The following AXDND1 variants were observed in gnomAD, a reference collection of about 807,000 sequenced individuals.
The protein encoded by AXDND1 is axonemal dynein light chain domain containing 1, also known as axonemal dynein light chain domain-containing protein 1.
In AXDND1, 110 loss-of-function variants were observed where a neutral mutation model predicts 137.5. That is an observed-to-expected ratio of 0.80 (90% confidence interval 0.69 to 0.94). AXDND1 has a LOEUF of 0.94. Among genes scored for constraint, AXDND1 ranks in the 40% least tolerant of loss-of-function variants. The pLI is 0.00. For synonymous variants in AXDND1, 414 were observed against 399.7 expected, an observed-to-expected ratio of 1.04 and a Z score of -0.43; for missense variants, 1,191 against 1,169.8, an observed-to-expected ratio of 1.02 and a Z score of -0.26.
At chr1:179,503,874 C>T (rs1668270994) in intron 20 of AXDND1, among the ~76,000 whole-genome samples, 3 of 152,278 alleles carry the variant, frequency 2.0e-5, no homozygotes, top group South Asian at 4.1e-4. Context: ...GGGTAATCCC[C>T]ATGCTATATA....
intron 25 of AXDND1, among the ~76,000 whole-genome samples, chr1:179,540,572 C>G (rs1245212696): frequency 6.6e-6 from 1 of 152,200 alleles, no homozygotes; most frequent in East Asian, 1.9e-4. Flanking sequence ...GAAGCTTCGT[C>G]CCAGAGGGGC....
At chr1:179,401,658 G>A (rs1257165150) in intron 11 of AXDND1, among the ~76,000 whole-genome samples, 1 of 152,020 alleles carries the variant, frequency 6.6e-6, no homozygotes, top group African/African-American at 2.4e-5. Context: ...GGACTTGGGG[G>A]GAAATAATTG....
intron 21 of AXDND1, among the ~76,000 whole-genome samples, chr1:179,517,753 G>T (rs1238960261): frequency 6.6e-6 from 1 of 152,222 alleles, no homozygotes; most frequent in African/African-American, 2.4e-5. Flanking sequence ...GGAGTGGAGG[G>T]TCTCCCTTTC....
Position 179,509,298 on chromosome 1 carries a change from A to G in AXDND1, c.2391A>G (p.Lys797=). The change falls in exon 21 of 26, where the codon AAA becomes AAG. Residue 797 remains lysine, a splice_region_variant and synonymous_variant. Transcript: ENST00000367618. ...EDLYEVDKLK[K]ECYEWINTCS... ...TGTAATCTTTTATCTCTTCTCAGAAAGAATGTTATGAATGGATCAACACAT... is the reference window on the plus strand; with the variant it reads ...TGTAATCTTTTATCTCTTCTCAGAAGGAATGTTATGAATGGATCAACACAT... 6.3e-7 allele frequency: 1 copy of G among 1,599,530 alleles called. No homozygotes were observed. Among genetic ancestry groups the G allele is most frequent in the Non-Finnish European group, 8.5e-7 (1 of 1,170,934 alleles).
intron 15 of AXDND1, among the ~76,000 whole-genome samples, chr1:179,442,185 A>T (rs572047846): frequency 7.9e-5 from 12 of 152,268 alleles, no homozygotes; most frequent in South Asian, 6.2e-4. Flanking sequence ...CTACCAAACG[A>T]GGCCGTACAG....
intron 25 of AXDND1, chr1:179,550,757 G>A: frequency 1.1e-5 from 3 of 269,884 alleles, no homozygotes; most frequent in Non-Finnish European, 2.2e-5. Flanking sequence ...GGACAGAAGA[G>A]CAATAGAGTG....
At chr1:179,389,815 G>C (rs1649853701) in intron 9 of AXDND1, among the ~76,000 whole-genome samples, 1 of 152,048 alleles carries the variant, frequency 6.6e-6, no homozygotes, top group Non-Finnish European at 1.5e-5. Flanking sequence ...GTCAGGAGGG[G>C]GAAATCCTAA....
At chr1:179,552,553 C>A (rs759791753) in intron 25 of AXDND1, 1 of 1,422,072 alleles carries the variant, frequency 7.0e-7, no homozygotes. Flanking sequence ...ATGTTCTCCA[C>A]GAGCAGGCCT....
At chr1:179,368,473 C>T (rs1161187480) in intron 2 of AXDND1, among the ~76,000 whole-genome samples, 1 of 152,120 alleles carries the variant, frequency 6.6e-6, no homozygotes. Context: ...ACATTCATTC[C>T]TGTCTTCTTA....
chr1:179,457,583 G>A (rs971042500), intron 16 of AXDND1, among the ~76,000 whole-genome samples: 39 of 152,008 alleles, frequency 2.6e-4, no homozygotes, highest in Admixed American at 3.9e-4. Flanking sequence ...ATTATTATTC[G>A]TATTTCATAT....
intron 17 of AXDND1, among the ~76,000 whole-genome samples, chr1:179,477,537 A>G (rs1664786438): frequency 6.6e-6 from 1 of 152,300 alleles, no homozygotes; most frequent in Middle Eastern, 3.4e-3. Flanking sequence ...AGACTTATTC[A>G]CTACCATGAG....
intron 22 of AXDND1, among the ~76,000 whole-genome samples, chr1:179,527,162 G>A (rs571966902): frequency 6.6e-6 from 1 of 152,308 alleles, no homozygotes; most frequent in African/African-American, 2.4e-5. Flanking sequence ...TGCTGAACAA[G>A]GGGTGGATTA....
intron 8 of AXDND1, among the ~76,000 whole-genome samples, 194 bp from the exon 9 acceptor site, chr1:179,385,044 G>A (rs986258384): frequency 3.3e-5 from 5 of 152,204 alleles, no homozygotes; most frequent in African/African-American, 9.6e-5. Flanking sequence ...GATTACAGGT[G>A]TGAGCCACTG....
chr1:179,493,582 C>G (rs1368837560), intron 20 of AXDND1, among the ~76,000 whole-genome samples: 1 of 152,232 alleles, frequency 6.6e-6, no homozygotes, highest in East Asian at 1.9e-4. Context: ...GGTCAAACTG[C>G]CTTCCAAAGT....
chr1:179,378,792 C>A (rs757379142), intron 5 of AXDND1, 35 bp downstream of exon 5: 18 of 1,417,574 alleles, frequency 1.3e-5, no homozygotes, highest in Non-Finnish European at 1.2e-5. Context: ...TCTTCTCTCC[C>A]TCTGTCTACT....
chr1:179,448,478 A>G, intron 16 of AXDND1: 1 of 444,714 alleles, frequency 2.2e-6, no homozygotes, highest in Non-Finnish European at 4.2e-6. Context: ...TATTCCAAAT[A>G]TTTAATATAA....
rs139434471 is a variant in AXDND1 at position 179,525,640 on chromosome 1, G to C, written c.2610+193G>C. 8.7e-3 allele frequency among the ~76,000 whole-genome samples: 1,323 copies of C among 152,168 alleles called. 40 individuals are homozygous for C. Among genetic ancestry groups the C allele is most frequent in the Admixed American group, 0.056 (848 of 15,270 alleles). On this transcript the variant is annotated intron_variant, in intron 22 of 25. Transcript: ENST00000367618. ...GCCTCTTGAGTAGCTAGGACTACAG[G>C]CATGCACCACCATGCCTAGCTAATT...
At chr1:179,429,642 T>G in intron 13 of AXDND1, 23 bp downstream of exon 13, 1 of 1,444,186 alleles carries the variant, frequency 6.9e-7, no homozygotes, top group Non-Finnish European at 9.3e-7. Flanking sequence ...TATCTTCAGT[T>G]ATGGGAAAAA....
Position 179,480,885 on chromosome 1 carries a change from T to C in AXDND1, c.1998-2243T>C, listed in dbSNP as rs959184216. Reference sequence around the variant, plus strand: ...TTAAACTTCACTAATTTCTAGTTGATTGGTCTATTGTTTTCTTTTTTGTTT... The same window carrying C: ...TTAAACTTCACTAATTTCTAGTTGACTGGTCTATTGTTTTCTTTTTTGTTT... On this transcript the variant is annotated intron_variant, in intron 17 of 25. Transcript: ENST00000367618. Among the ~76,000 whole-genome samples, 11 of 151,370 alleles carry C rather than the reference T, an allele frequency of 7.3e-5. No homozygotes were observed. In the East Asian group the frequency reaches 1.9e-3, roughly 27 times the overall value.
Sources: gnomAD v4.1 joint callset for allele counts (sites outside exome capture counted in the v4.1 genomes callset) on GRCh38, gnomAD v4.1.1 for gene constraint, MANE v1.5 for transcripts, NCBI Gene and HGNC (gene_info 2026-07-23, HGNC 2026-07-21) for gene names.